The following PTK2 variants were observed in gnomAD, a reference collection of about 807,000 sequenced individuals.
PTK2 encodes the protein protein tyrosine kinase 2.
Under a neutral mutation model 150.1 loss-of-function variants are expected in PTK2, and 45 were observed. The ratio of observed to expected loss-of-function variants is 0.30; its 90% confidence interval spans 0.24 to 0.38. The LOEUF (loss-of-function observed/expected upper bound fraction) is 0.38. Among genes scored for constraint, PTK2 ranks in the 10% least tolerant of loss-of-function variants. PTK2 has a pLI of 1.00. For missense variants in PTK2, 919 were observed against 1,307.3 expected (o/e 0.70, Z 4.58); for synonymous variants, 432 against 449.2 (o/e 0.96, Z 0.48).
chr8:140,995,826 G>A (rs1449131708), intron 1 of PTK2, among the ~76,000 whole-genome samples: 3 of 152,074 alleles, frequency 2.0e-5, no homozygotes, highest in African/African-American at 4.8e-5. Context: ...GGCCAAAAGC[G>A]AGGCCTCCTG....
chr8:140,977,042 G>C (rs564789876), intron 1 of PTK2, among the ~76,000 whole-genome samples: 4 of 152,324 alleles, frequency 2.6e-5, no homozygotes, highest in Admixed American at 2.6e-4. Flanking sequence ...AAAGGAATCA[G>C]TAGAATTTAC....
At chr8:140,990,636 A>G (rs978792062) in intron 1 of PTK2, among the ~76,000 whole-genome samples, 1 of 152,172 alleles carries the variant, frequency 6.6e-6, no homozygotes, top group African/African-American at 2.4e-5. Flanking sequence ...AGTTGAGTGA[A>G]AGATCACAGT....
intron 14 of PTK2, among the ~76,000 whole-genome samples, chr8:140,775,531 C>T (rs771253188): frequency 1.3e-5 from 2 of 151,468 alleles, no homozygotes; most frequent in African/African-American, 4.9e-5. Flanking sequence ...TTTTTTAAGA[C>T]GGGGTTTTGC....
chr8:140,925,395 G>C (rs1166724939), intron 2 of PTK2, among the ~76,000 whole-genome samples: 1 of 152,054 alleles, frequency 6.6e-6, no homozygotes, highest in African/African-American at 2.4e-5. Flanking sequence ...TAGAATGTCA[G>C]GTATCTCATA....
At chr8:140,950,464 C>A (rs1485474671) in intron 1 of PTK2, among the ~76,000 whole-genome samples, 9 of 152,262 alleles carry the variant, frequency 5.9e-5, no homozygotes, top group Non-Finnish European at 1.3e-4. Flanking sequence ...GAGCTGCCCA[C>A]CCCGCTACAG....
At chr8:140,999,092 A>C (rs1193143234) in intron 1 of PTK2, among the ~76,000 whole-genome samples, 1 of 152,222 alleles carries the variant, frequency 6.6e-6, no homozygotes, top group East Asian at 1.9e-4. Context: ...TCAAATAATA[A>C]GGCTTTTTAA....
intron 2 of PTK2, among the ~76,000 whole-genome samples, chr8:140,902,537 T>C (rs1228989447): frequency 6.6e-6 from 1 of 152,222 alleles, no homozygotes; most frequent in Admixed American, 6.5e-5. Flanking sequence ...ATTGCCACAC[T>C]GTCTTCCACA....
intron 2 of PTK2, among the ~76,000 whole-genome samples, chr8:140,912,067 T>C (rs573092543): frequency 3.3e-5 from 5 of 152,070 alleles, no homozygotes; most frequent in South Asian, 2.1e-4. Context: ...ACCTTGGCTC[T>C]ACAAAGAAAT....
intron 27 of PTK2, among the ~76,000 whole-genome samples, chr8:140,677,584 A>T (rs1292620096): frequency 6.6e-6 from 1 of 152,246 alleles, no homozygotes; most frequent in African/African-American, 2.4e-5. Flanking sequence ...AAGACACTTT[A>T]CTTTCTATTG....
chr8:140,735,229 C>A (rs752171829), intron 22 of PTK2, 22 bp downstream of exon 25: 1 of 1,608,790 alleles, frequency 6.2e-7, no homozygotes, highest in South Asian at 1.1e-5. Context: ...ACCCCCAGGC[C>A]CTCTCTCCCG....
intron 1 of PTK2, among the ~76,000 whole-genome samples, chr8:140,936,863 C>T (rs952127867): frequency 6.7e-6 from 1 of 150,070 alleles, no homozygotes; most frequent in African/African-American, 2.4e-5. Context: ...TAGAGAACAT[C>T]TTTTTTTTTT....
In PTK2 at chr8:140,744,777, C is replaced by G; in HGVS notation, c.1519-10G>C. On this transcript the variant is annotated splice_polypyrimidine_tract_variant and intron_variant, in intron 18 of 31. Transcript: ENST00000522684. ...GCAAAAATGACCTCAGCTTTTGGAA[C>G]AATGACCAAAAGAAAAAAAAAAAAA... 1.2e-6 allele frequency: 1 copy of G among 856,922 alleles called. No individual in the cohort carries two copies. 53.1% of individuals were successfully genotyped at this position (856,922 alleles called of 1,614,324 possible). A position where few individuals can be genotyped will look rare whatever the true frequency, so the allele number is the denominator to read the frequency against.
chr8:140,902,937 T>TG (rs2100159230), intron 2 of PTK2, among the ~76,000 whole-genome samples: 3 of 138,882 alleles, frequency 2.2e-5, no homozygotes, highest in Non-Finnish European at 4.7e-5. Flanking sequence ...TTTTTTTTTT[T>TG]TTTTTTTTTT....
intron 22 of PTK2, among the ~76,000 whole-genome samples, chr8:140,720,751 C>CTT (rs1200034469): frequency 6.6e-6 from 1 of 152,028 alleles, no homozygotes; most frequent in Non-Finnish European, 1.5e-5. Context: ...AAGTCTTTTT[C>CTT]TTTCTTTCTT....
intron 1 of PTK2, among the ~76,000 whole-genome samples, chr8:140,955,529 C>T (rs2100180918): frequency 6.6e-6 from 1 of 151,816 alleles, no homozygotes; most frequent in Admixed American, 6.6e-5. Context: ...CTAATACAGA[C>T]ATATTAAAAA....
chr8:140,876,736 G>A (rs1216042506), intron 4 of PTK2, among the ~76,000 whole-genome samples: 19 of 151,804 alleles, frequency 1.3e-4, no homozygotes, highest in Admixed American at 1.3e-4. Flanking sequence ...TCATCTCTCC[G>A]TGGTATGTTC....
intron 7 of PTK2, among the ~76,000 whole-genome samples, chr8:140,842,706 A>G (rs1008235749): frequency 5.3e-5 from 8 of 152,128 alleles, no homozygotes; most frequent in African/African-American, 1.9e-4. Flanking sequence ...GTATAACTGC[A>G]ACGAATCACT....
At chr8:140,744,550 G>C (rs2100057592) in intron 19 of PTK2, 102 bp downstream of exon 22, 2 of 584,594 alleles carry the variant, frequency 3.4e-6, no homozygotes, top group South Asian at 7.5e-5. Flanking sequence ...TACCAAAGGG[G>C]ACCCTGGATC....
intron 7 of PTK2, among the ~76,000 whole-genome samples, chr8:140,844,394 T>C (rs755537612): frequency 6.6e-6 from 1 of 152,136 alleles, no homozygotes; most frequent in Admixed American, 6.6e-5. Context: ...CATAAATTAT[T>C]TGGAATTTTT....
Sources: gnomAD v4.1 joint callset for allele counts (sites outside exome capture counted in the v4.1 genomes callset) on GRCh38, gnomAD v4.1.1 for gene constraint, MANE v1.5 for transcripts, NCBI Gene and HGNC (gene_info 2026-07-23, HGNC 2026-07-21) for gene names.